The following SNX20 variants were observed in gnomAD, a reference collection of about 807,000 sequenced individuals.
SNX20 encodes the protein sorting nexin-20.
Under a neutral mutation model 24.5 loss-of-function variants are expected in SNX20, and 21 were observed. The ratio of observed to expected loss-of-function variants is 0.86; its 90% CI spans 0.61 to 1.23. The LOEUF (loss-of-function observed/expected upper bound fraction) is 1.23, where lower values mean the gene tolerates loss of function less well. Among genes scored for constraint, SNX20 ranks in the 50% most tolerant of loss-of-function variants. SNX20 has a pLI of 0.00. For missense variants in SNX20, 433 were observed against 430.8 expected, an observed-to-expected ratio of 1.00 and a Z score of -0.04; for synonymous variants, 206 against 192.8, an observed-to-expected ratio of 1.07 and a Z score of -0.57.
At chr16:50,674,893 C>G (rs763370201) in intron 3 of SNX20, among the ~76,000 whole-genome samples, 2 of 152,212 alleles carry the variant, frequency 1.3e-5, no homozygotes, top group Non-Finnish European at 2.9e-5. Context: ...ACCCATGCAT[C>G]TGACTCCAGA....
chr16:50,674,038 C>T lies in SNX20; in HGVS notation c.319G>A (p.Asp107Asn). ...CGTTCCAGGACGGCCTTGTTGTTGT[C>T]AAAGCTCCCAGTCTGGATGACGATG... ...QIIVIQTGSF[D>N]NNKAVLERRY... The change falls in exon 4 of 4, where the codon GAC (aspartate) becomes AAC (asparagine). Residue 107 changes from aspartate to asparagine, a missense_variant. Coordinates refer to ENST00000330943, the MANE Select transcript of SNX20 (RefSeq NM_182854.4). 1 of 1,608,464 alleles carries T rather than the reference C, an allele frequency of 6.2e-7. No individual in the cohort carries two copies. The highest frequency in any genetic ancestry group is 8.5e-7 in the Non-Finnish European group (1 of 1,177,328).
In SNX20 at chr16:50,679,714, G is replaced by C. The variant is rs1026111776; in HGVS notation, c.-10+1476C>G. ...CCTGATAAATGTGGCTACAAGCCCC[G>C]TCCTGTTGATAAGATGATGGATGAC... On this transcript the variant is annotated intron_variant, in intron 1 of 3. Coordinates refer to ENST00000330943, the MANE Select transcript of SNX20 (RefSeq NM_182854.4). 2.6e-5 allele frequency among the ~76,000 whole-genome samples: 4 copies of C among 152,308 alleles called. No homozygotes were observed. In the East Asian group the frequency reaches 7.7e-4, roughly 29 times the overall value.
rs1470215582 is a variant in SNX20, at chr16:50,674,049, G to C, written c.308C>G (p.Thr103Ser). ...GGCCTTGTTGTTGTCAAAGCTCCCA[G>C]TCTGGATGACGATGATTTGGTACAC... ...FVVYQIIVIQ[T>S]GSFDNNKAVL... The change falls in exon 4 of 4, where the codon ACT becomes AGT. Residue 103 changes from threonine to serine, a missense_variant. Transcript: ENST00000330943. 1.9e-5 allele frequency: 31 copies of C among 1,605,964 alleles called. No homozygotes were observed. The highest frequency in any genetic ancestry group is 2.6e-5 in the Non-Finnish European group (30 of 1,175,782).
chr16:50,676,711 G>A (rs959009179), intron 2 of SNX20, among the ~76,000 whole-genome samples: 2 of 152,090 alleles, frequency 1.3e-5, no homozygotes, highest in East Asian at 1.9e-4. Context: ...TTTATTTCTC[G>A]TGGCACGTGT....
At position 50,674,090 on chromosome 16, in the gene SNX20, A is replaced by G. The variant is rs150113600; in HGVS notation, c.283-16T>C. On this transcript the variant is annotated splice_polypyrimidine_tract_variant and intron_variant, in intron 3 of 3. Transcript: ENST00000330943. Reference sequence around the variant, plus strand: ...TTTGGTACACCTAGGGCGCAACCAGAGAGAGCTGTGGCCACCTCCCGGCGG... The same window carrying G: ...TTTGGTACACCTAGGGCGCAACCAGGGAGAGCTGTGGCCACCTCCCGGCGG... The G allele has an allele frequency of 1.2e-5, 19 of 1,575,176 alleles. No individual in the cohort carries two copies. Among genetic ancestry groups the G allele is most frequent in the African/African-American group, 4.1e-5 (3 of 73,344 alleles).
intron 1 of SNX20, among the ~76,000 whole-genome samples, chr16:50,680,097 C>T (rs1200088491): frequency 6.6e-6 from 1 of 152,212 alleles, no homozygotes; most frequent in Non-Finnish European, 1.5e-5. Context: ...TTATGGTTGT[C>T]TCTTACAGGT....
intron 2 of SNX20, among the ~76,000 whole-genome samples, chr16:50,676,304 A>G (rs751387012): frequency 2.0e-5 from 3 of 151,920 alleles, no homozygotes; most frequent in Non-Finnish European, 2.9e-5. Flanking sequence ...TGACTTCGTG[A>G]CTGTTGCCAC....
chr16:50,674,994 C>G (rs1166857114), intron 3 of SNX20, among the ~76,000 whole-genome samples: 1 of 152,178 alleles, frequency 6.6e-6, no homozygotes, highest in Non-Finnish European at 1.5e-5. Context: ...TCTCACTTTT[C>G]TCATTCATAA....
chr16:50,680,644 C>T (rs1394304475), intron 1 of SNX20, among the ~76,000 whole-genome samples: 1 of 152,128 alleles, frequency 6.6e-6, no homozygotes, highest in Non-Finnish European at 1.5e-5. Flanking sequence ...GACAGAGATC[C>T]CAGGATGTTG....
chr16:50,668,972 G>T (rs771311817), downstream of SNX20: 336 of 1,543,898 alleles, frequency 2.2e-4, no homozygotes, highest in Non-Finnish European at 2.7e-4. Flanking sequence ...TGCACCCCTA[G>T]GCCCAGCTGG....
At chr16:50,674,281 G>A (rs993890428) in intron 3 of SNX20, among the ~76,000 whole-genome samples, 1 of 151,344 alleles carries the variant, frequency 6.6e-6, no homozygotes, top group Non-Finnish European at 1.5e-5. Context: ...ACAGGGTCTC[G>A]CACTGTTACC....
At chr16:50,671,431 T>A (rs1963048076), downstream of SNX20, 1 of 152,174 alleles carries the variant, frequency 6.6e-6, no homozygotes, top group South Asian at 2.1e-4. Flanking sequence ...TTCCTTAATG[T>A]CCCCTCCTGT....
Position 50,673,845 on chromosome 16 carries a change from A to T in SNX20, c.512T>A (p.Ile171Asn). The change falls in exon 4 of 4, where the codon ATC (isoleucine) becomes AAC (asparagine). Residue 171 changes from isoleucine to asparagine, a missense_variant. By Grantham distance (149) the Ile-to-Asn change is moderately radical. Transcript: ENST00000330943. This position sits in a 1 kb window ranked among gnomAD's most constrained non-coding sequence, Gnocchi z 4.1. ...LQEYLGLLYA[I>N]RCVRRSREFL... ...CTCCCGGGAGCGGCGCACGCAGCGG[A>T]TGGCGTAGAGCAGGCCCAGGTACTC... 6.2e-7 allele frequency: 1 copy of T among 1,601,914 alleles called. No homozygotes were observed. The highest frequency in any genetic ancestry group is 1.1e-5 in the South Asian group (1 of 90,504).
chr16:50,674,196 T>A, intron 3 of SNX20, 122 bp from the exon 4 acceptor site: 1 of 1,199,560 alleles, frequency 8.3e-7, no homozygotes, highest in Non-Finnish European at 1.1e-6. Flanking sequence ...GCGATCCTTA[T>A]ATGCAATTGT....
At position 50,671,838 on chromosome 16, in the gene SNX20, T is replaced by C. The variant is rs1434586868; in HGVS notation, c.*1568A>G. On this transcript the variant is annotated 3_prime_UTR_variant, in exon 4 of 4. Transcript: ENST00000330943. The stretch of plus-strand genomic sequence containing the variant: ...AGCCTGATGGGGCGTCTACAGTTTT[T>C]ACCACAAGGTGTCGCTGTTGAACAG... 1 of 152,242 alleles carries C rather than the reference T, an allele frequency of 6.6e-6. No homozygotes were observed. The allele number at this position is 152,242 out of a possible 1,614,324, so 9.4% of individuals were successfully genotyped here.
chr16:50,666,721 C>T (rs1188212717), downstream of SNX20: 2 of 152,484 alleles, frequency 1.3e-5, no homozygotes, highest in Middle Eastern at 3.3e-3. Context: ...TAGGGGCTGC[C>T]CCTCAGCCCC....
intron 3 of SNX20, among the ~76,000 whole-genome samples, 167 bp from the exon 4 acceptor site, chr16:50,674,241 A>G (rs757169106): frequency 3.8e-3 from 549 of 146,364 alleles, no homozygotes; most frequent in African/African-American, 0.013. Context: ...TTATTTATTT[A>G]TTTATTTATT....
downstream of SNX20, chr16:50,668,132 T>G (rs1267870576): frequency 6.5e-7 from 1 of 1,548,560 alleles, no homozygotes; most frequent in Non-Finnish European, 8.7e-7. Context: ...AACACTCGAG[T>G]TGGTGACCAG....
At chr16:50,678,446 C>T (rs1470598135) in intron 1 of SNX20, among the ~76,000 whole-genome samples, 1 of 152,188 alleles carries the variant, frequency 6.6e-6, no homozygotes, top group Non-Finnish European at 1.5e-5. Flanking sequence ...GTGTGCGCAA[C>T]AAGCAAAGCT....
Sources: allele counts gnomAD v4.1 joint callset (sites outside exome capture counted in the v4.1 genomes callset), GRCh38; gene constraint gnomAD v4.1.1; non-coding constraint Gnocchi (gnomAD v3.1); transcripts MANE v1.5; gene names NCBI Gene and HGNC (gene_info 2026-07-23, HGNC 2026-07-21).